COG3: variants seen among roughly 807,000 people sequenced by gnomAD.
COG3 encodes conserved oligomeric Golgi complex subunit 3.
A neutral mutation model predicts 114.1 loss-of-function variants in COG3; 32 were observed. The observed-to-expected ratio is 0.28, with a 90% confidence interval of 0.21 to 0.38. The LOEUF (loss-of-function observed/expected upper bound fraction) is 0.38, where lower values mean the gene tolerates loss of function less well. Among genes scored for constraint, COG3 ranks in the 10% least tolerant of loss-of-function variants. The pLI is 1.00. For missense variants in COG3, 813 were observed against 973.2 expected (o/e 0.84, Z 2.19); for synonymous variants, 352 against 365.7 (o/e 0.96, Z 0.43).
At chr13:45,507,942 G>A (rs556000445) in intron 14 of COG3, among the ~76,000 whole-genome samples, 52 of 151,130 alleles carry the variant, frequency 3.4e-4, no homozygotes, top group Non-Finnish European at 6.9e-4. Flanking sequence ...GGTGGCATGA[G>A]CCTGTGATCC....
At chr13:45,520,811 G>A (rs1210644178) in intron 19 of COG3, among the ~76,000 whole-genome samples, 1 of 152,164 alleles carries the variant, frequency 6.6e-6, no homozygotes. Context: ...GTAATTTACA[G>A]ATAACTTACA....
At chr13:45,500,082 GTGTGTGTGTGTGTATATATATATA>G (rs1869328917) in intron 13 of COG3, among the ~76,000 whole-genome samples, 4 of 52,030 alleles carry the variant, frequency 7.7e-5, no homozygotes, top group African/African-American at 2.3e-4. Context: ...GTGTGTGTGT[GTGTGTGTGTGTGTATATATATATA>G]TATATATATA....
Position 45,533,748 on chromosome 13 carries a change from A to G in COG3, c.2458-954A>G, listed in dbSNP as rs146775542. 3.3e-5 allele frequency among the ~76,000 whole-genome samples: 5 copies of G among 152,228 alleles called. No homozygotes were observed. In the East Asian group the frequency reaches 9.6e-4, roughly 29 times the overall value. On this transcript the variant is annotated intron_variant, in intron 22 of 22. Coordinates refer to ENST00000349995, the MANE Select transcript of COG3 (RefSeq NM_031431.4). ...GTCTCTTTAGCTTCTTTTAACCTGGAGCAGTTAGACAGCCTTTCTTGACCT... is the reference window on the plus strand; with the variant it reads ...GTCTCTTTAGCTTCTTTTAACCTGGGGCAGTTAGACAGCCTTTCTTGACCT...
intron 21 of COG3, 59 bp from the exon 22 acceptor site, chr13:45,530,623 C>A: frequency 1.0e-6 from 1 of 1,001,624 alleles, no homozygotes; most frequent in Non-Finnish European, 1.6e-6. Context: ...ATTTAACATT[C>A]ATGGTGCTTC....
At chr13:45,510,358 G>A (rs1480739438) in intron 15 of COG3, among the ~76,000 whole-genome samples, 1 of 152,182 alleles carries the variant, frequency 6.6e-6, no homozygotes, top group Non-Finnish European at 1.5e-5. Flanking sequence ...CCAGTTCTGG[G>A]ACTCTTAAGG....
rs1873018208 is a variant in COG3, at chr13:45,529,927, C to T, written c.2358+9C>T. On this transcript the variant is annotated intron_variant, in intron 21 of 22. Transcript: ENST00000349995. ...TGTTTAAACCTGTGAGGGTGAGTAT[C>T]AGATAACTCATTTGAATGTTGGCGG... 2 of 1,594,328 alleles carry T rather than the reference C, an allele frequency of 1.3e-6. No homozygotes were observed. The highest frequency in any genetic ancestry group is 3.7e-5 in the Admixed American group (2 of 54,752).
intron 19 of COG3, among the ~76,000 whole-genome samples, chr13:45,520,920 A>G (rs557490628): frequency 6.6e-6 from 1 of 152,366 alleles, no homozygotes; most frequent in Admixed American, 6.5e-5. Context: ...AGTATTATAG[A>G]TGAATATTGT....
chr13:45,532,196 A>T (rs2137935252), intron 22 of COG3: 1 of 152,220 alleles, frequency 6.6e-6, no homozygotes, highest in South Asian at 2.1e-4. Context: ...CTTCCTTTTT[A>T]TGGCTGTATA....
intron 14 of COG3, among the ~76,000 whole-genome samples, chr13:45,507,919 A>T (rs1870351636): frequency 6.6e-6 from 1 of 151,212 alleles, no homozygotes; most frequent in South Asian, 2.1e-4. Context: ...AGTACAGAAA[A>T]TTAGCCGGGT....
rs981366149 is a variant in COG3, at chr13:45,464,949, A to G, written c.-88A>G. On this transcript the variant is annotated 5_prime_UTR_variant, in exon 1 of 23. Coordinates refer to ENST00000349995, the MANE Select transcript of COG3 (RefSeq NM_031431.4). ...CGCCCCGCCGCCGGTGCAGTGTTGG[A>G]AGCTCCGGTTCTCCCGGAAGTGGCC... 1.2e-5 allele frequency: 17 copies of G among 1,470,360 alleles called. No individual in the cohort carries two copies. Among genetic ancestry groups the G allele is most frequent in the Admixed American group, 2.5e-5 (1 of 40,404 alleles). 91.1% of individuals were successfully genotyped at this position (1,470,360 alleles called of 1,614,324 possible).
chr13:45,525,402 A>C (rs1872567973), intron 20 of COG3, among the ~76,000 whole-genome samples: 1 of 152,124 alleles, frequency 6.6e-6, no homozygotes, highest in African/African-American at 2.4e-5. Context: ...AATTATGGCG[A>C]GTGTACCCAC....
intron 13 of COG3, among the ~76,000 whole-genome samples, chr13:45,497,672 G>A (rs769288744): frequency 5.3e-5 from 8 of 152,150 alleles, no homozygotes; most frequent in Middle Eastern, 6.8e-3. Flanking sequence ...TGTGATCCCA[G>A]CTACTCAGGA....
intron 9 of COG3, 62 bp downstream of exon 9, chr13:45,491,020 C>A: frequency 1.9e-6 from 2 of 1,072,376 alleles, no homozygotes; most frequent in Admixed American, 2.2e-5. Flanking sequence ...ACTGTTTTTC[C>A]AAATCTGGAT....
intron 13 of COG3, among the ~76,000 whole-genome samples, chr13:45,497,064 C>T (rs1316113044): frequency 6.6e-6 from 1 of 152,150 alleles, no homozygotes; most frequent in East Asian, 1.9e-4. Flanking sequence ...GTTAGTGATC[C>T]CTGTGATTTC....
chr13:45,469,714 TA>T (rs1328016101), intron 1 of COG3, among the ~76,000 whole-genome samples: 2 of 152,182 alleles, frequency 1.3e-5, no homozygotes, highest in Non-Finnish European at 2.9e-5. Flanking sequence ...TTAAGAGTTG[TA>T]GAGTTACCAT....
At chr13:45,514,183 CAG>C (rs1485259805) in intron 16 of COG3, among the ~76,000 whole-genome samples, 3 of 68,554 alleles carry the variant, frequency 4.4e-5, no homozygotes, top group African/African-American at 1.6e-4. Context: ...TTTTTTGAGA[CAG>C]AGTCTCACTC....
chr13:45,493,534 A>T (rs758138999), intron 12 of COG3, 48 bp downstream of exon 12: 1 of 1,529,208 alleles, frequency 6.5e-7, no homozygotes, highest in Non-Finnish European at 8.9e-7. Flanking sequence ...TGGCTCAATG[A>T]ATTTGAAAAA....
intron 20 of COG3, among the ~76,000 whole-genome samples, chr13:45,529,528 T>C (rs1018199695): frequency 2.6e-5 from 4 of 152,108 alleles, no homozygotes; most frequent in Non-Finnish European, 5.9e-5. Context: ...ACAGCTCTTA[T>C]GAATGTCCTG....
chr13:45,514,884 G>A (rs1336489917), intron 16 of COG3, among the ~76,000 whole-genome samples: 7 of 151,958 alleles, frequency 4.6e-5, no homozygotes, highest in Admixed American at 1.3e-4. Flanking sequence ...TCCTTACCTC[G>A]TGATCCGACT....
Sources: allele counts gnomAD v4.1 joint callset (sites outside exome capture counted in the v4.1 genomes callset), GRCh38; gene constraint gnomAD v4.1.1; transcripts MANE v1.5; gene names NCBI Gene and HGNC (gene_info 2026-07-23, HGNC 2026-07-21).